GRID1: variants seen among roughly 807,000 people sequenced by gnomAD.
GRID1 encodes glutamate ionotropic receptor delta type subunit 1.
A neutral mutation model predicts 98.0 loss-of-function variants in GRID1; 28 were observed. That is an observed-to-expected ratio of 0.29 (90% CI 0.21 to 0.39). The LOEUF is 0.39. Ranked by LOEUF, GRID1 falls within the 10% of genes least tolerant of loss-of-function variation. The pLI is 1.00. For synonymous variants in GRID1, 553 were observed against 538.5 expected (o/e 1.03, Z -0.37); for missense variants, 1,111 against 1,340.5 (o/e 0.83, Z 2.67).
intron 2 of GRID1, among the ~76,000 whole-genome samples, chr10:86,347,856 C>T (rs1486077761): frequency 6.6e-6 from 1 of 152,194 alleles, no homozygotes; most frequent in Non-Finnish European, 1.5e-5. Flanking sequence ...AGGTGATAGT[C>T]TCAGATGGTC....
At chr10:85,859,079 G>T (rs1354483527) in intron 6 of GRID1, among the ~76,000 whole-genome samples, 1 of 152,190 alleles carries the variant, frequency 6.6e-6, no homozygotes, top group Non-Finnish European at 1.5e-5. Flanking sequence ...GGCATAGATA[G>T]GCAGGCCTTC....
chr10:85,895,167 A>G (rs867575180), intron 5 of GRID1, among the ~76,000 whole-genome samples: 7 of 151,634 alleles, frequency 4.6e-5, no homozygotes, highest in Non-Finnish European at 8.8e-5. Flanking sequence ...AACTCTCAGC[A>G]GCTCCTGTTA....
intron 12 of GRID1, among the ~76,000 whole-genome samples, chr10:85,705,771 T>C (rs1841509069): frequency 6.6e-6 from 1 of 151,168 alleles, no homozygotes; most frequent in Admixed American, 6.6e-5. Flanking sequence ...GAGCCACCAC[T>C]TGGGCTTCAT....
chr10:86,014,046 G>A (rs1004905852), intron 4 of GRID1, among the ~76,000 whole-genome samples: 4 of 152,158 alleles, frequency 2.6e-5, no homozygotes, highest in African/African-American at 9.7e-5. Context: ...TCCACTCACT[G>A]GAGAAGTTGA....
intron 4 of GRID1, among the ~76,000 whole-genome samples, chr10:85,930,229 G>A (rs61855978): frequency 1.2e-4 from 17 of 144,638 alleles, no homozygotes; most frequent in Non-Finnish European, 2.0e-4. Flanking sequence ...AATAACTTGC[G>A]GTTATTTTTA....
At chr10:86,217,092 TG>T (rs1846187127) in intron 2 of GRID1, among the ~76,000 whole-genome samples, 1 of 152,128 alleles carries the variant, frequency 6.6e-6, no homozygotes, top group Admixed American at 6.5e-5. Flanking sequence ...ATGGCCTCCC[TG>T]GGAAGTGGGT....
At chr10:86,166,417 T>C (rs1343330719) in intron 3 of GRID1, among the ~76,000 whole-genome samples, 1 of 152,216 alleles carries the variant, frequency 6.6e-6, no homozygotes, top group Non-Finnish European at 1.5e-5. Flanking sequence ...AAAAACGACA[T>C]TTATGCAGCC....
At chr10:86,060,856 G>A (rs1383545000) in intron 4 of GRID1, among the ~76,000 whole-genome samples, 1 of 152,150 alleles carries the variant, frequency 6.6e-6, no homozygotes, top group African/African-American at 2.4e-5. Flanking sequence ...CCTGTCCACA[G>A]GCAGCTCCCT....
At chr10:86,018,427 A>C (rs1365576600) in intron 4 of GRID1, among the ~76,000 whole-genome samples, 1 of 152,256 alleles carries the variant, frequency 6.6e-6, no homozygotes, top group Non-Finnish European at 1.5e-5. Context: ...AAATGCTACA[A>C]GACAGACGGC....
chr10:85,881,720 G>A (rs1394862953), intron 5 of GRID1, among the ~76,000 whole-genome samples: 6 of 151,964 alleles, frequency 3.9e-5, no homozygotes, highest in African/African-American at 7.3e-5. Context: ...ATGGGCAAGT[G>A]CTTCATGTCT....
chr10:85,910,777 G>A (rs1164468591), intron 5 of GRID1, among the ~76,000 whole-genome samples: 1 of 152,208 alleles, frequency 6.6e-6, no homozygotes, highest in East Asian at 1.9e-4. Context: ...GCTTGTTCAG[G>A]GAATCAGGCA....
intron 5 of GRID1, among the ~76,000 whole-genome samples, chr10:85,907,834 G>T (rs1046507589): frequency 2.0e-5 from 3 of 152,158 alleles, no homozygotes; most frequent in Non-Finnish European, 4.4e-5. Flanking sequence ...AATATAATAT[G>T]AAAAGTAGGT....
At chr10:85,750,121 C>A (rs1842032372) in intron 8 of GRID1, among the ~76,000 whole-genome samples, 1 of 152,172 alleles carries the variant, frequency 6.6e-6, no homozygotes, top group Non-Finnish European at 1.5e-5. Flanking sequence ...TTATTACTAT[C>A]ATTACCATAA....
chr10:85,794,850 C>T (rs1390580273), intron 8 of GRID1, among the ~76,000 whole-genome samples: 1 of 152,178 alleles, frequency 6.6e-6, no homozygotes, highest in African/African-American at 2.4e-5. Context: ...AAGTGTGAAG[C>T]TGACATACTG....
chr10:85,939,982 G>T (rs554972069), intron 4 of GRID1, among the ~76,000 whole-genome samples: 3 of 149,846 alleles, frequency 2.0e-5, no homozygotes, highest in African/African-American at 7.4e-5. Context: ...CAGGAGAATC[G>T]CTTGAACCTG....
chr10:85,986,944 C>G (rs760443798), intron 4 of GRID1, among the ~76,000 whole-genome samples: 1 of 152,190 alleles, frequency 6.6e-6, no homozygotes, highest in Non-Finnish European at 1.5e-5. Context: ...CCATCACAAC[C>G]ACTACAGCTC....
At chr10:85,890,018 AG>A (rs1257994540) in intron 5 of GRID1, among the ~76,000 whole-genome samples, 2 of 152,066 alleles carry the variant, frequency 1.3e-5, no homozygotes, top group Admixed American at 1.3e-4. Flanking sequence ...ATCACCTCAA[AG>A]TTTATCATTT....
At chr10:86,047,708 T>C (rs1407798684) in intron 4 of GRID1, among the ~76,000 whole-genome samples, 1 of 151,932 alleles carries the variant, frequency 6.6e-6, no homozygotes, top group African/African-American at 2.4e-5. Flanking sequence ...GTGCCCTCCA[T>C]GGTGCAGCAG....
rs139792233 is a variant in GRID1, at chr10:85,725,566, G to T, written c.1534-890C>A. On this transcript the variant is annotated intron_variant, in intron 10 of 15. Coordinates refer to ENST00000327946, the MANE Select transcript of GRID1 (RefSeq NM_017551.3). ...TGGGTGGATGCCAGGTGACAATGGGGCTTAGGGTCCTCCTTTAGTCACAAG... is the reference window on the plus strand; with the variant it reads ...TGGGTGGATGCCAGGTGACAATGGGTCTTAGGGTCCTCCTTTAGTCACAAG... Among the ~76,000 whole-genome samples, 1,033 of 152,242 alleles carry T rather than the reference G, an allele frequency of 6.8e-3. 10 individuals carry two copies. The highest frequency in any genetic ancestry group is 0.01 in the Non-Finnish European group (685 of 68,026).
Sources: allele counts gnomAD v4.1 joint callset (sites outside exome capture counted in the v4.1 genomes callset), GRCh38; gene constraint gnomAD v4.1.1; transcripts MANE v1.5; gene names NCBI Gene and HGNC (gene_info 2026-07-23, HGNC 2026-07-21).